The following VPS13A variants were observed in gnomAD, a reference collection of about 807,000 sequenced individuals.
VPS13A encodes the protein intermembrane lipid transfer protein VPS13A.
Under a neutral mutation model 390.9 loss-of-function variants are expected in VPS13A, and 264 were observed. That is an observed-to-expected ratio of 0.68 (90% CI 0.61 to 0.75). VPS13A has a LOEUF of 0.75. Ranked by LOEUF, VPS13A falls within the 30% of genes least tolerant of loss-of-function variation. The pLI, the probability that VPS13A is intolerant of heterozygous loss-of-function variation, is 0.00. For synonymous variants in VPS13A, 1,231 were observed against 1,227.1 expected (o/e 1.00, Z -0.07); for missense variants, 3,409 against 3,733.9 (o/e 0.91, Z 2.27).
At chr9:77,359,913 G>T (rs1194585798) in intron 58 of VPS13A, among the ~76,000 whole-genome samples, 1 of 151,290 alleles carries the variant, frequency 6.6e-6, no homozygotes, top group Non-Finnish European at 1.5e-5. Context: ...TCTTGTACTT[G>T]TATTTGTTTT....
rs2131126160 is a variant in VPS13A at position 77,206,141 on chromosome 9, A to C, written c.385+62A>C. 4 of 1,088,138 alleles carry C rather than the reference A, an allele frequency of 3.7e-6. No individual in the cohort carries two copies. The East Asian group carries it at 1.1e-4, about 29-fold the overall frequency. 67.4% of individuals were successfully genotyped at this position (1,088,138 alleles called of 1,614,324 possible). A position where few individuals can be genotyped will look rare whatever the true frequency, so the allele number is the denominator to read the frequency against. On this transcript the variant is annotated intron_variant, in intron 5 of 71. Transcript: ENST00000360280. ...AGTAGAAAAGACCTAAATATTTATC[A>C]TAATTGAATATTATTTTTCTCTGGA...
rs765612230 is a variant in VPS13A at position 77,295,533 on chromosome 9, A to C, written c.3508-9A>C. On this transcript the variant is annotated splice_polypyrimidine_tract_variant and intron_variant, in intron 32 of 71. Coordinates refer to ENST00000360280, the MANE Select transcript of VPS13A (RefSeq NM_033305.3). The stretch of plus-strand genomic sequence containing the variant: ...ATAACCTTAAGAATATAATTCTGTT[A>C]TCTTACAGGCTTTTATAGATAATTT... 1 of 1,593,292 alleles carries C rather than the reference A, an allele frequency of 6.3e-7. No individual in the cohort carries two copies. The highest frequency in any genetic ancestry group is 1.7e-5 in the Admixed American group (1 of 58,148).
At chr9:77,236,642 G>A (rs1339739986) in intron 17 of VPS13A, among the ~76,000 whole-genome samples, 1 of 152,178 alleles carries the variant, frequency 6.6e-6, no homozygotes, top group Non-Finnish European at 1.5e-5. Context: ...AGTTCATGCT[G>A]TATTAGTGTT....
At chr9:77,188,438 G>A (rs749194377) in intron 1 of VPS13A, among the ~76,000 whole-genome samples, 1 of 152,186 alleles carries the variant, frequency 6.6e-6, no homozygotes, top group Non-Finnish European at 1.5e-5. Flanking sequence ...GCTGCAAAGG[G>A]CATGATTTTG....
chr9:77,251,083 A>G (rs1825125805), intron 21 of VPS13A, among the ~76,000 whole-genome samples: 1 of 152,246 alleles, frequency 6.6e-6, no homozygotes, highest in Non-Finnish European at 1.5e-5. Context: ...GTTAATTTGT[A>G]TAGGACTGAA....
chr9:77,273,366 TA>T lies in VPS13A; in HGVS notation c.2512+6del. ...AACTTCCATCTGTTTCTGAAGATGGTAAAATGAAACTGCTTAAGGATATTTT... is the reference window on the plus strand; with the variant it reads ...AACTTCCATCTGTTTCTGAAGATGGTAAATGAAACTGCTTAAGGATATTTT... On this transcript the variant is annotated splice_donor_region_variant and intron_variant, in intron 24 of 71. Transcript: ENST00000360280. 6.2e-7 allele frequency: 1 copy of T among 1,602,628 alleles called. No individual in the cohort carries two copies. Among genetic ancestry groups the T allele is most frequent in the Non-Finnish European group, 8.5e-7 (1 of 1,172,752 alleles).
chr9:77,372,722 A>G (rs1453627910), intron 67 of VPS13A, among the ~76,000 whole-genome samples: 1 of 152,198 alleles, frequency 6.6e-6, no homozygotes, highest in Non-Finnish European at 1.5e-5. Context: ...ACATGATTGT[A>G]TATCTAGAAA....
rs1022331999 is a variant in VPS13A, at chr9:77,417,832, A to G, written c.*1826A>G. On this transcript the variant is annotated 3_prime_UTR_variant, in exon 72 of 72. Transcript: ENST00000360280. ...GCCAGCAGGAGTGGGTCTTGTGACT[A>G]ATCCACATGGAAAGGATAGTGCCTG... is the stretch of plus-strand genomic sequence containing the variant. 6.6e-6 allele frequency: 1 copy of G among 152,180 alleles called. No homozygotes were observed. Among genetic ancestry groups the G allele is most frequent in the African/African-American group, 2.4e-5 (1 of 41,442 alleles). 9.4% of individuals were successfully genotyped at this position (152,180 alleles called of 1,614,324 possible). A position where few individuals can be genotyped will look rare whatever the true frequency, so the allele number is the denominator to read the frequency against.
At chr9:77,395,023 T>C (rs943587906) in intron 68 of VPS13A, among the ~76,000 whole-genome samples, 4 of 152,228 alleles carry the variant, frequency 2.6e-5, no homozygotes, top group African/African-American at 9.6e-5. Flanking sequence ...TGCTTTCTTA[T>C]AATTCTTGTG....
chr9:77,350,081 G>A (rs995138584), intron 52 of VPS13A, among the ~76,000 whole-genome samples: 2 of 152,134 alleles, frequency 1.3e-5, no homozygotes, highest in South Asian at 4.2e-4. Flanking sequence ...TTCGGTTATG[G>A]ATAATTCCTT....
Position 77,220,337 on chromosome 9 carries a change from A to G in VPS13A, c.943A>G (p.Arg315Gly), listed in dbSNP as rs1387861220. 5 of 1,612,626 alleles carry G rather than the reference A, an allele frequency of 3.1e-6. No homozygotes were observed. The highest frequency in any genetic ancestry group is 4.2e-6 in the Non-Finnish European group (5 of 1,179,280). ...TATGATGGCACAAAATCTGCCATAT[A>G]GGAAGTTCAAACCTGATGTGCCTCT... The part of the protein sequence containing the change: ...VDMMAQNLPY[R>G]KFKPDVPLHH... Residue 315 changes from arginine (R) to glycine (G), a missense_variant, in exon 12 of 72, where the codon AGG (arginine) becomes GGG (glycine). Coordinates refer to ENST00000360280, the MANE Select transcript of VPS13A (RefSeq NM_033305.3).
intron 68 of VPS13A, among the ~76,000 whole-genome samples, chr9:77,395,111 G>T (rs1406668869): frequency 6.6e-6 from 1 of 152,180 alleles, no homozygotes; most frequent in Admixed American, 6.5e-5. Flanking sequence ...TTTGGTACAA[G>T]AGGTACTACC....
Position 77,213,101 on chromosome 9 carries a change from A to G in VPS13A, c.615+73A>G, listed in dbSNP as rs571798246. 2.9e-5 allele frequency: 45 copies of G among 1,570,358 alleles called. No individual in the cohort carries two copies. In the African/African-American group the frequency reaches 5.7e-4, roughly 20 times the overall value. On this transcript the variant is annotated intron_variant, in intron 8 of 71. Transcript: ENST00000360280. The stretch of plus-strand genomic sequence containing the variant: ...GAAAGCCAAATGATAATATATAGAT[A>G]AGGATGTATGTGAATTTTGCTTATT...
At position 77,394,837 on chromosome 9, in the gene VPS13A, A is replaced by G. The variant is rs544091869; in HGVS notation, c.9190-8399A>G. ...TTCTTTCCTTAAACCTCATGAACCAATCTCTGCTAGCTTCACCTTTTCTTC... is the reference window on the plus strand; with the variant it reads ...TTCTTTCCTTAAACCTCATGAACCAGTCTCTGCTAGCTTCACCTTTTCTTC... On this transcript the variant is annotated intron_variant, in intron 68 of 71. Coordinates refer to ENST00000360280, the MANE Select transcript of VPS13A (RefSeq NM_033305.3). Among the ~76,000 whole-genome samples, 5 of 152,234 alleles carry G rather than the reference A, an allele frequency of 3.3e-5. No homozygotes were observed. In the South Asian group the frequency reaches 1.0e-3, roughly 32 times the overall value.
rs182619889 is a variant in VPS13A at position 77,270,226 on chromosome 9, C to G, written c.2428-3054C>G. On this transcript the variant is annotated intron_variant, in intron 23 of 71. Coordinates refer to ENST00000360280, the MANE Select transcript of VPS13A (RefSeq NM_033305.3). ...TTTTGAGGCACATGTTAGAAAAAAA[C>G]CTAGATTCTATCGTTTAATAAATTA... Among the ~76,000 whole-genome samples the G allele has an allele frequency of 7.8e-4, 119 of 152,212 alleles. No homozygotes were observed. In the Middle Eastern group the frequency reaches 0.02, roughly 26 times the overall value.
At chr9:77,357,569 GATCTAA>G in intron 55 of VPS13A, 117 bp from the exon 56 acceptor site, 2 of 971,352 alleles carry the variant, frequency 2.1e-6, no homozygotes, top group African/African-American at 1.7e-5. Context: ...GGGATATTAA[GATCTAA>G]ATCTAAACTA....
At chr9:77,288,419 C>A (rs1203066138) in intron 31 of VPS13A, among the ~76,000 whole-genome samples, 1 of 152,062 alleles carries the variant, frequency 6.6e-6, no homozygotes, top group Admixed American at 6.6e-5. Flanking sequence ...ATAAATTTTC[C>A]TTTAAGCACT....
intron 23 of VPS13A, among the ~76,000 whole-genome samples, chr9:77,270,142 A>G (rs1054604952): frequency 1.3e-5 from 2 of 152,230 alleles, no homozygotes; most frequent in Non-Finnish European, 2.9e-5. Context: ...GTTGCTTAAC[A>G]AGCACTTAGA....
At position 77,421,271 on chromosome 9, in the gene VPS13A, G is replaced by A. The variant is rs1835330668; in HGVS notation, c.*5265G>A. The A allele has an allele frequency of 6.6e-6, 1 of 152,180 alleles. No individual in the cohort carries two copies. The highest frequency in any genetic ancestry group is 2.1e-4 in the South Asian group (1 of 4,818). The allele number at this position is 152,180 out of a possible 1,614,324, so 9.4% of individuals were successfully genotyped here. ...CCTCATCCCTCTTTTATGTGTGCTT[G>A]GCTCAGTTGCCTGTTACACAGCCTC... On this transcript the variant is annotated 3_prime_UTR_variant, in exon 72 of 72. Coordinates refer to ENST00000360280, the MANE Select transcript of VPS13A (RefSeq NM_033305.3).
Sources: allele counts gnomAD v4.1 joint callset (sites outside exome capture counted in the v4.1 genomes callset), GRCh38; gene constraint gnomAD v4.1.1; transcripts MANE v1.5; gene names NCBI Gene and HGNC (gene_info 2026-07-23, HGNC 2026-07-21).